Variants in TM9SF2 observed in about 807,000 individuals in gnomAD.
The protein encoded by TM9SF2 is transmembrane 9 superfamily member 2, also known as 76 kDa membrane protein.
Under a neutral mutation model 84.9 loss-of-function variants are expected in TM9SF2, and 13 were observed. The ratio of observed to expected loss-of-function variants is 0.15; its 90% confidence interval spans 0.10 to 0.24. The LOEUF (loss-of-function observed/expected upper bound fraction) is 0.24. Among genes scored for constraint, TM9SF2 ranks in the 10% least tolerant of loss-of-function variants. TM9SF2 has a pLI of 1.00. For synonymous variants in TM9SF2, 273 were observed against 285.8 expected (o/e 0.96, Z 0.45); for missense variants, 562 against 818.5 (o/e 0.69, Z 3.82).
At chr13:99,544,275 G>A (rs986162446) in intron 10 of TM9SF2, among the ~76,000 whole-genome samples, 40 of 151,896 alleles carry the variant, frequency 2.6e-4, no homozygotes, top group African/African-American at 8.9e-4. Context: ...CCTGGGAGGC[G>A]GAGGTTGTAG....
At chr13:99,525,845 G>T (rs530985699) in intron 3 of TM9SF2, among the ~76,000 whole-genome samples, 1 of 152,140 alleles carries the variant, frequency 6.6e-6, no homozygotes, top group Non-Finnish European at 1.5e-5. Context: ...GTGAGCCACC[G>T]CGCCCGGCCA....
intron 1 of TM9SF2, among the ~76,000 whole-genome samples, chr13:99,513,525 C>A (rs1156835237): frequency 6.6e-6 from 1 of 152,140 alleles, no homozygotes; most frequent in Non-Finnish European, 1.5e-5. Context: ...AATTTATATG[C>A]CCTGAGACAG....
At chr13:99,505,463 T>C (rs2046085108) in intron 1 of TM9SF2, among the ~76,000 whole-genome samples, 1 of 152,230 alleles carries the variant, frequency 6.6e-6, no homozygotes, top group Admixed American at 6.5e-5. Flanking sequence ...CCTGTACACT[T>C]TTTAAATGTT....
intron 14 of TM9SF2, among the ~76,000 whole-genome samples, chr13:99,554,743 T>TA (rs1264510955): frequency 6.6e-6 from 1 of 152,252 alleles, no homozygotes; most frequent in Non-Finnish European, 1.5e-5. Flanking sequence ...TACAGAGCTG[T>TA]AAATGAGGCT....
At chr13:99,522,260 A>T (rs1430845201) in intron 3 of TM9SF2, among the ~76,000 whole-genome samples, 1 of 152,202 alleles carries the variant, frequency 6.6e-6, no homozygotes, top group Non-Finnish European at 1.5e-5. Context: ...ACCTCAGGTG[A>T]TCTGCCTGTC....
At chr13:99,534,922 G>A (rs945876868) in intron 4 of TM9SF2, among the ~76,000 whole-genome samples, 4 of 152,186 alleles carry the variant, frequency 2.6e-5, no homozygotes, top group African/African-American at 9.7e-5. Flanking sequence ...GACCAGGGTA[G>A]GAGGACCACT....
intron 10 of TM9SF2, among the ~76,000 whole-genome samples, chr13:99,545,578 T>C (rs2046279018): frequency 6.6e-6 from 1 of 152,022 alleles, no homozygotes; most frequent in Non-Finnish European, 1.5e-5. Flanking sequence ...TTCTTTCTTT[T>C]TTTTTTTGAG....
intron 3 of TM9SF2, among the ~76,000 whole-genome samples, chr13:99,525,235 C>CTGTTTGTT (rs35767318): frequency 4.4e-4 from 66 of 151,698 alleles, no homozygotes; most frequent in Admixed American, 7.2e-4. Flanking sequence ...TCAAAGAGGA[C>CTGTTTGTT]TGTTTGTTTG....
Position 99,543,962 on chromosome 13 carries a change from A to G in TM9SF2, c.1117A>G (p.Thr373Ala). The part of the protein sequence containing the change: ...MLLSVFLGSG[T>A]QILIMTFVTL... ...GCTATCAGTCTTTCTAGGATCCGGG[A>G]CACAGATTTTAATTATGACCTTTGT... The change falls in exon 10 of 17, where the codon ACA becomes GCA. Residue 373 changes from threonine to alanine, a missense_variant. Thr to Ala is a moderately conservative substitution (Grantham distance 58, BLOSUM62 0). Transcript: ENST00000376387. 1 of 1,614,150 alleles carries G rather than the reference A, an allele frequency of 6.2e-7. No individual in the cohort carries two copies. Among genetic ancestry groups the G allele is most frequent in the South Asian group, 1.1e-5 (1 of 91,084 alleles).
In TM9SF2 at chr13:99,543,913, C is replaced by T. The variant is rs777121879; in HGVS notation, c.1068C>T (p.Phe356=). The T allele has an allele frequency of 3.1e-6, 5 of 1,613,992 alleles. No homozygotes were observed. Among genetic ancestry groups the T allele is most frequent in the Non-Finnish European group, 4.2e-6 (5 of 1,180,034 alleles). ...GGAAACTTGTTCATGGTGATATATT[C>T]CGTCCTCCAAGAAAAGGGATGCTGC... ...FGWKLVHGDI[F]RPPRKGMLLS... is the part of the protein sequence containing the mutation. Residue 356 remains phenylalanine (F), a synonymous_variant, in exon 10 of 17, where the codon TTC becomes TTT. Transcript: ENST00000376387.
chr13:99,541,791 CAAA>C (rs1362206299), intron 9 of TM9SF2, 124 bp downstream of exon 9: 2 of 571,212 alleles, frequency 3.5e-6, no homozygotes, highest in South Asian at 2.6e-5. Flanking sequence ...AAAACAAAAA[CAAA>C]AAAATTCTTC....
At position 99,540,958 on chromosome 13, in the gene TM9SF2, T is replaced by C. The variant is rs1316358841; in HGVS notation, c.908+165T>C. Among the ~76,000 whole-genome samples the C allele has an allele frequency of 2.0e-5, 3 of 152,262 alleles. No individual in the cohort carries two copies. In the East Asian group the frequency reaches 5.8e-4, roughly 29 times the overall value. ...TTGTGAGTCACAGCAGGTCCCTTAATTTCTCAGCGTCTGTTTCTTTATCTA... is the reference window on the plus strand; with the variant it reads ...TTGTGAGTCACAGCAGGTCCCTTAACTTCTCAGCGTCTGTTTCTTTATCTA... On this transcript the variant is annotated intron_variant, in intron 8 of 16. Transcript: ENST00000376387.
At chr13:99,550,871 C>T (rs1252972195) in intron 12 of TM9SF2, among the ~76,000 whole-genome samples, 1 of 152,084 alleles carries the variant, frequency 6.6e-6, no homozygotes. Flanking sequence ...TAGGGACATT[C>T]TCAGTAAATC....
chr13:99,512,499 T>G (rs1347650332), intron 1 of TM9SF2, among the ~76,000 whole-genome samples: 1 of 152,048 alleles, frequency 6.6e-6, no homozygotes, highest in Non-Finnish European at 1.5e-5. Context: ...CAAACGTAGA[T>G]GGATAAAAAC....
intron 14 of TM9SF2, 64 bp downstream of exon 14, chr13:99,554,519 GT>G (rs1389711580): frequency 6.7e-7 from 1 of 1,493,784 alleles, no homozygotes; most frequent in East Asian, 2.4e-5. Context: ...CTTTTTGTTT[GT>G]TTATATGGGT....
chr13:99,517,829 C>CT (rs965960292), intron 2 of TM9SF2, 148 bp downstream of exon 2: 15 of 291,738 alleles, frequency 5.1e-5, no homozygotes, highest in Non-Finnish European at 7.6e-5. Context: ...AAAATGTGAT[C>CT]TTTTTTTTAA....
chr13:99,519,953 C>G (rs1000163514), intron 2 of TM9SF2, 83 bp from the exon 3 acceptor site: 16 of 1,222,576 alleles, frequency 1.3e-5, no homozygotes, highest in Non-Finnish European at 1.9e-5. Flanking sequence ...TGATCAGTAC[C>G]TAATCTGCTC....
chr13:99,533,918 C>G (rs1431203172), intron 4 of TM9SF2, among the ~76,000 whole-genome samples: 1 of 152,232 alleles, frequency 6.6e-6, no homozygotes, highest in Non-Finnish European at 1.5e-5. Flanking sequence ...ATCTACCCAC[C>G]TTGGCCTCCC....
chr13:99,502,580 T>C (rs1195062021), intron 1 of TM9SF2, among the ~76,000 whole-genome samples: 2 of 152,212 alleles, frequency 1.3e-5, no homozygotes. Context: ...TCTTACAACA[T>C]TCACACTCAA....
Sources: allele counts gnomAD v4.1 joint callset (sites outside exome capture counted in the v4.1 genomes callset), GRCh38; gene constraint gnomAD v4.1.1; transcripts MANE v1.5; gene names NCBI Gene and HGNC (gene_info 2026-07-23, HGNC 2026-07-21).